Variants in ABCA8 observed in about 807,000 individuals in gnomAD.
ABCA8 encodes ABC-type organic anion transporter ABCA8.
In ABCA8, 177 loss-of-function variants were observed where a neutral mutation model predicts 192.3. The observed-to-expected ratio is 0.92, with a 90% CI of 0.81 to 1.04. The LOEUF is 1.04. ABCA8 is among the 50% of genes least tolerant of loss of function. The pLI is 0.00. For synonymous variants in ABCA8, 642 were observed against 690.2 expected (o/e 0.93, Z 1.09); for missense variants, 1,915 against 1,904.8 (o/e 1.01, Z -0.10).
chr17:68,920,218 A>C (rs1383820974), intron 13 of ABCA8, among the ~76,000 whole-genome samples: 1 of 152,120 alleles, frequency 6.6e-6, no homozygotes, highest in East Asian at 1.9e-4. Flanking sequence ...TATGAACACA[A>C]AAAGGCAAAT....
chr17:68,869,883 A>AC, intron 37 of ABCA8, 104 bp from the exon 38 acceptor site: 2 of 786,828 alleles, frequency 2.5e-6, no homozygotes, highest in East Asian at 2.6e-5. Context: ...AAATGGTGTT[A>AC]GGAACATTTA....
intron 24 of ABCA8, among the ~76,000 whole-genome samples, chr17:68,888,745 C>T (rs1407876135): frequency 1.3e-5 from 2 of 152,080 alleles, no homozygotes; most frequent in African/African-American, 4.8e-5. Context: ...TTTGTATCAA[C>T]CTTGGAGGTC....
chr17:68,906,212 A>T (rs2067063932), intron 18 of ABCA8, 49 bp from the exon 19 acceptor site: 1 of 1,386,502 alleles, frequency 7.2e-7, no homozygotes. Flanking sequence ...TCACAAGTGA[A>T]CTGAAGACAA....
intron 24 of ABCA8, among the ~76,000 whole-genome samples, chr17:68,889,006 GC>G (rs2066561344): frequency 6.6e-6 from 1 of 152,214 alleles, no homozygotes; most frequent in Admixed American, 6.5e-5. Flanking sequence ...CATCACAAAA[GC>G]CAAAGAAAGT....
intron 22 of ABCA8, 102 bp downstream of exon 22, chr17:68,894,778 G>A (rs2066703352): frequency 7.9e-7 from 1 of 1,268,296 alleles, no homozygotes; most frequent in Non-Finnish European, 1.1e-6. Flanking sequence ...AATGAAAACA[G>A]TATTTGCTTT....
chr17:68,900,184 C>T (rs2066870192), intron 21 of ABCA8, among the ~76,000 whole-genome samples: 1 of 151,732 alleles, frequency 6.6e-6, no homozygotes, highest in Non-Finnish European at 1.5e-5. Flanking sequence ...AAAGCATCAA[C>T]AAAATTGAGG....
intron 15 of ABCA8, 51 bp downstream of exon 15, chr17:68,918,376 A>C: frequency 1.3e-6 from 2 of 1,534,826 alleles, no homozygotes; most frequent in Non-Finnish European, 1.7e-6. Context: ...CTATTACCAA[A>C]AGTTCCATTT....
At chr17:68,907,091 A>G (rs1275473453) in intron 18 of ABCA8, among the ~76,000 whole-genome samples, 1 of 152,178 alleles carries the variant, frequency 6.6e-6, no homozygotes, top group Non-Finnish European at 1.5e-5. Flanking sequence ...ATTCCACCTA[A>G]AACGTCTACA....
chr17:68,944,345 T>C (rs1363853344), intron 2 of ABCA8, among the ~76,000 whole-genome samples: 1 of 88,732 alleles, frequency 1.1e-5, no homozygotes, highest in African/African-American at 4.1e-5. Flanking sequence ...TATATATATA[T>C]ATATATATAT....
chr17:68,906,377 G>A (rs891819378), intron 18 of ABCA8, among the ~76,000 whole-genome samples: 9 of 151,882 alleles, frequency 5.9e-5, no homozygotes, highest in African/African-American at 1.7e-4. Context: ...ATATTACTTT[G>A]TCAAACATTA....
At chr17:68,917,790 C>T (rs2067413343) in intron 16 of ABCA8, among the ~76,000 whole-genome samples, 1 of 152,140 alleles carries the variant, frequency 6.6e-6, no homozygotes, top group Admixed American at 6.5e-5. Context: ...CTCTTAGAAA[C>T]TCAACTTCAC....
intron 21 of ABCA8, among the ~76,000 whole-genome samples, chr17:68,896,620 G>A (rs73355701): frequency 0.031 from 4,645 of 152,058 alleles, 244 homozygotes; most frequent in African/African-American, 0.1. Context: ...CGCCACCTCC[G>A]TTATCAGATC....
At chr17:68,944,251 C>T (rs1598294846) in intron 2 of ABCA8, among the ~76,000 whole-genome samples, 1 of 143,128 alleles carries the variant, frequency 7.0e-6, no homozygotes, top group South Asian at 2.3e-4. Flanking sequence ...CAGCAAACCA[C>T]CATGACACAT....
intron 2 of ABCA8, among the ~76,000 whole-genome samples, chr17:68,943,283 A>C (rs956430328): frequency 6.6e-5 from 10 of 152,182 alleles, no homozygotes; most frequent in Non-Finnish European, 1.5e-4. Context: ...TCCATCTTTA[A>C]GAATTTATTT....
In ABCA8 at chr17:68,875,861, C is replaced by T. The variant is rs2066191227; in HGVS notation, c.4371-128G>A. The T allele has an allele frequency of 2.8e-6, 3 of 1,078,372 alleles. No individual in the cohort carries two copies. In the Admixed American group the frequency reaches 8.3e-5, roughly 30 times the overall value. 66.8% of individuals were successfully genotyped at this position (1,078,372 alleles called of 1,614,324 possible). A position where few individuals can be genotyped will look rare whatever the true frequency, so the allele number is the denominator to read the frequency against. On this transcript the variant is annotated intron_variant, in intron 35 of 39. Transcript: ENST00000586539. ...AAAAGAGATTAAGTAAAAGAGGGTT[C>T]TTAATAGGGCAGGTAGGATGAGGAA...
intron 7 of ABCA8, 77 bp downstream of exon 7, chr17:68,932,211 A>G (rs2067912457): frequency 4.5e-6 from 5 of 1,103,502 alleles, no homozygotes; most frequent in Middle Eastern, 2.1e-4. Context: ...CTCCATTTCA[A>G]AAAAAAAAAG....
chr17:68,891,968 AT>A (rs2143390289), intron 23 of ABCA8, among the ~76,000 whole-genome samples: 1 of 152,346 alleles, frequency 6.6e-6, no homozygotes, highest in Non-Finnish European at 1.5e-5. Context: ...AACTCAAAAA[AT>A]ATCCAACATT....
intron 32 of ABCA8, chr17:68,880,381 G>A (rs904412521): frequency 5.3e-5 from 8 of 152,108 alleles, no homozygotes; most frequent in African/African-American, 1.7e-4. Flanking sequence ...ATTCTTCCTG[G>A]ACATGGGACA....
intron 22 of ABCA8, 87 bp from the exon 23 acceptor site, chr17:68,894,397 G>C: frequency 8.2e-7 from 1 of 1,218,552 alleles, no homozygotes; most frequent in Non-Finnish European, 1.1e-6. Flanking sequence ...TAAATTAAGA[G>C]GTTATGTTTT....
Sources: gnomAD v4.1 joint callset for allele counts (sites outside exome capture counted in the v4.1 genomes callset) on GRCh38, gnomAD v4.1.1 for gene constraint, MANE v1.5 for transcripts, NCBI Gene and HGNC (gene_info 2026-07-23, HGNC 2026-07-21) for gene names.